The following ATP11C variants were observed in gnomAD, a reference collection of about 807,000 sequenced individuals.
ATP11C encodes the protein ATPase phospholipid transporting 11C (ATP11C blood group).
A neutral mutation model predicts 97.4 loss-of-function variants in ATP11C; 36 were observed. The ratio of observed to expected loss-of-function variants is 0.37; its 90% CI spans 0.28 to 0.49. ATP11C has a LOEUF of 0.49. Ranked by LOEUF, ATP11C falls within the 20% of genes least tolerant of loss-of-function variation. ATP11C has a pLI of 0.98. For missense variants in ATP11C, 730 were observed against 824.6 expected (o/e 0.89, Z 1.40); for synonymous variants, 275 against 290.9 (o/e 0.95, Z 0.56).
chrX:139,887,368 G>A (rs1300647001), intron 1 of ATP11C, among the ~76,000 whole-genome samples: 3 of 111,933 alleles, frequency 2.7e-5, no homozygotes, highest in Non-Finnish European at 5.6e-5. Flanking sequence ...AGTGGCTCAC[G>A]TTTGTAATCT....
At chrX:139,779,283 C>T (rs2082407667) in intron 18 of ATP11C, among the ~76,000 whole-genome samples, 1 of 112,247 alleles carries the variant, frequency 8.9e-6, no homozygotes, top group Non-Finnish European at 1.9e-5. Context: ...GCGGAACATA[C>T]ATTTTTCTCA....
intron 1 of ATP11C, chrX:139,924,210 T>A (rs773299413): frequency 2.1e-5 from 8 of 383,375 alleles, no homozygotes; most frequent in Non-Finnish European, 4.2e-5. Flanking sequence ...CAATACTTCC[T>A]GGCTCCCCCA....
rs753542767 is a variant in ATP11C, at chrX:139,826,779, A to G, written c.72T>C (p.Val24=). The change falls in exon 2 of 30, where the codon GTT becomes GTC. Residue 24 remains valine (V), a synonymous_variant. Coordinates refer to ENST00000682941, the MANE Select transcript of ATP11C (RefSeq NM_001353812.2). Reference sequence around the variant, plus strand: ...CTGTTTCCGAAACTGGATGATTGCCAACAAACACTGTGCGTGTGCCAACTC... The same window carrying G: ...CTGTTTCCGAAACTGGATGATTGCCGACAAACACTGTGCGTGTGCCAACTC... The part of the protein sequence containing the change: ...EKRVGTRTVF[V]GNHPVSETEA... 1 of 1,209,055 alleles carries G rather than the reference A, an allele frequency of 8.3e-7. No homozygotes were observed. The highest frequency in any genetic ancestry group is 3.0e-5 in the East Asian group (1 of 33,715).
chrX:139,804,338 A>G, intron 6 of ATP11C, 133 bp downstream of exon 6: 3 of 474,890 alleles, frequency 6.3e-6, no homozygotes, highest in Non-Finnish European at 9.8e-6. Context: ...ATTACATAAC[A>G]GCTCTTTTCA....
intron 14 of ATP11C, 64 bp downstream of exon 14, chrX:139,788,128 C>A (rs761203333): frequency 9.8e-7 from 1 of 1,020,509 alleles, no homozygotes; most frequent in South Asian, 2.4e-5. Flanking sequence ...CGGAAAAAAA[C>A]AAATAACTTC....
chrX:139,888,209 T>C (rs968916531), intron 1 of ATP11C, among the ~76,000 whole-genome samples: 2 of 107,491 alleles, frequency 1.9e-5, no homozygotes, highest in Non-Finnish European at 3.9e-5. Flanking sequence ...TCTCAGCTCA[T>C]TGCAACCTCT....
At chrX:139,810,608 C>T (rs2147821186) in intron 5 of ATP11C, among the ~76,000 whole-genome samples, 1 of 112,068 alleles carries the variant, frequency 8.9e-6, no homozygotes, top group Non-Finnish European at 1.9e-5. Flanking sequence ...AATTTGTAGG[C>T]TGTTGCTAAA....
upstream of ATP11C, among the ~76,000 whole-genome samples, chrX:139,934,937 C>A (rs1569495318): frequency 8.9e-6 from 1 of 111,781 alleles, no homozygotes; most frequent in African/African-American, 3.2e-5. Flanking sequence ...AGACATTATT[C>A]TAGATACTGG....
At chrX:139,846,353 T>C (rs1287646959) in intron 1 of ATP11C, among the ~76,000 whole-genome samples, 1 of 112,141 alleles carries the variant, frequency 8.9e-6, no homozygotes, top group Admixed American at 9.5e-5. Flanking sequence ...ACCTCTGGAC[T>C]TAATTTAGAG....
At chrX:139,774,108 G>A (rs1226024276) in intron 19 of ATP11C, among the ~76,000 whole-genome samples, 1 of 112,243 alleles carries the variant, frequency 8.9e-6, no homozygotes, top group Non-Finnish European at 1.9e-5. Flanking sequence ...TCAATGGGAA[G>A]TATAGAAAAT....
chrX:139,744,953 T>C (rs1302953148), intron 25 of ATP11C, among the ~76,000 whole-genome samples: 1 of 111,916 alleles, frequency 8.9e-6, no homozygotes, highest in African/African-American at 3.2e-5. Flanking sequence ...GTTCCAGACA[T>C]AGTATCCTCA....
At chrX:139,735,633 G>T (rs1389879905) in intron 28 of ATP11C, among the ~76,000 whole-genome samples, 1 of 111,828 alleles carries the variant, frequency 8.9e-6, no homozygotes, top group Non-Finnish European at 1.9e-5. Context: ...TATCTTAGAA[G>T]TTGGCCTCCA....
At chrX:139,804,830 T>C (rs2083006485) in intron 5 of ATP11C, among the ~76,000 whole-genome samples, 1 of 111,401 alleles carries the variant, frequency 9.0e-6, no homozygotes, top group African/African-American at 3.2e-5. Context: ...CACTGACCTT[T>C]ACCTTTAATA....
At chrX:139,775,367 T>G (rs1275680255) in intron 18 of ATP11C, among the ~76,000 whole-genome samples, 4 of 112,323 alleles carry the variant, frequency 3.6e-5, no homozygotes, top group African/African-American at 1.3e-4. Flanking sequence ...TGAGGGAAAT[T>G]AGTGAATCCC....
chrX:139,838,117 A>T (rs2083774594), intron 1 of ATP11C, among the ~76,000 whole-genome samples: 1 of 111,987 alleles, frequency 8.9e-6, no homozygotes, highest in African/African-American at 3.3e-5. Flanking sequence ...ACTTCTTTGG[A>T]TGTGAGATTA....
chrX:139,775,211 T>C (rs1307424408), intron 18 of ATP11C, among the ~76,000 whole-genome samples: 1 of 112,006 alleles, frequency 8.9e-6, no homozygotes, highest in African/African-American at 3.2e-5. Context: ...AATGGCAGAA[T>C]TGAGTATCAT....
At chrX:139,771,329 G>GTT (rs1443402321) in intron 19 of ATP11C, among the ~76,000 whole-genome samples, 2 of 111,633 alleles carry the variant, frequency 1.8e-5, no homozygotes, top group African/African-American at 6.5e-5. Context: ...ATGTGGAACT[G>GTT]TAAGTCCAAT....
intron 23 of ATP11C, among the ~76,000 whole-genome samples, chrX:139,753,685 G>C (rs1191808812): frequency 9.0e-6 from 1 of 111,179 alleles, no homozygotes; most frequent in African/African-American, 3.3e-5. Flanking sequence ...ACAGGCACCT[G>C]TAATCTCAGC....
At chrX:139,749,283 T>C (rs2081758407) in intron 24 of ATP11C, among the ~76,000 whole-genome samples, 1 of 112,359 alleles carries the variant, frequency 8.9e-6, no homozygotes, top group Non-Finnish European at 1.9e-5. Context: ...TGAGTCATGC[T>C]GGTTAAAAAA....
Sources: allele counts gnomAD v4.1 joint callset (sites outside exome capture counted in the v4.1 genomes callset), GRCh38; gene constraint gnomAD v4.1.1; transcripts MANE v1.5; gene names NCBI Gene and HGNC (gene_info 2026-07-23, HGNC 2026-07-21).